The following RASGEF1C variants were observed in gnomAD, a reference collection of about 807,000 sequenced individuals.
RASGEF1C encodes RasGEF domain family member 1C.
Under a neutral mutation model 58.1 loss-of-function variants are expected in RASGEF1C, and 27 were observed. The observed-to-expected ratio is 0.46, with a 90% CI of 0.34 to 0.64. The LOEUF is 0.64. RASGEF1C is among the 30% of genes least tolerant of loss of function. RASGEF1C has a pLI of 0.01. For synonymous variants in RASGEF1C, 243 were observed against 246.3 expected (o/e 0.99, Z 0.13); for missense variants, 502 against 605.1 (o/e 0.83, Z 1.79).
intron 1 of RASGEF1C, among the ~76,000 whole-genome samples, chr5:180,163,309 T>C (rs1766974326): frequency 7.2e-6 from 1 of 139,564 alleles, no homozygotes; most frequent in Admixed American, 7.9e-5. Context: ...GGGTTGAGAA[T>C]GGACAGTCAA....
intron 10 of RASGEF1C, among the ~76,000 whole-genome samples, chr5:180,116,912 A>G (rs1431000856): frequency 6.6e-6 from 1 of 152,220 alleles, no homozygotes; most frequent in African/African-American, 2.4e-5. Flanking sequence ...TGGCTCCGCC[A>G]CCTACCTGCA....
intron 1 of RASGEF1C, among the ~76,000 whole-genome samples, chr5:180,188,763 G>A (rs1014120009): frequency 2.6e-5 from 4 of 152,122 alleles, no homozygotes; most frequent in South Asian, 2.1e-4. Context: ...CTTGGGGTAC[G>A]AATGATCCTG....
At chr5:180,171,536 C>T (rs142148852) in intron 1 of RASGEF1C, among the ~76,000 whole-genome samples, 164 of 152,254 alleles carry the variant, frequency 1.1e-3, no homozygotes, top group African/African-American at 3.7e-3. Flanking sequence ...TGTTCCAGGG[C>T]AGGCCTCCAC....
At chr5:180,154,541 G>A (rs1175593102) in intron 1 of RASGEF1C, among the ~76,000 whole-genome samples, 1 of 151,474 alleles carries the variant, frequency 6.6e-6, no homozygotes, top group South Asian at 2.1e-4. Context: ...GGGTGGACAA[G>A]TTACCAGCTG....
chr5:180,190,626 C>T lies in RASGEF1C; in HGVS notation c.-7+18402G>A, dbSNP rs958179013. On this transcript the variant is annotated intron_variant, in intron 1 of 13. Coordinates refer to ENST00000361132, the MANE Select transcript of RASGEF1C (RefSeq NM_175062.4). Reference sequence around the variant, plus strand: ...AAGGCTGCAGTGAGCTGTGATCGCACCACTGCTCTCCAGCCTAGGTGACAG... The same window carrying T: ...AAGGCTGCAGTGAGCTGTGATCGCATCACTGCTCTCCAGCCTAGGTGACAG... Among the ~76,000 whole-genome samples the T allele has an allele frequency of 2.7e-5, 4 of 150,766 alleles. No individual in the cohort carries two copies. In the South Asian group the frequency reaches 6.4e-4, roughly 24 times the overall value.
chr5:180,146,097 G>C (rs1766657146), intron 1 of RASGEF1C, among the ~76,000 whole-genome samples: 1 of 152,026 alleles, frequency 6.6e-6, no homozygotes, highest in African/African-American at 2.4e-5. Context: ...CTGTGTCTTT[G>C]GTATCATATC....
chr5:180,173,741 C>T (rs182067563), intron 1 of RASGEF1C, among the ~76,000 whole-genome samples: 55 of 152,018 alleles, frequency 3.6e-4, no homozygotes, highest in East Asian at 9.7e-4. Flanking sequence ...GGTGAAACCC[C>T]GTCTCTACTA....
chr5:180,159,291 C>T (rs1023014359), intron 1 of RASGEF1C, among the ~76,000 whole-genome samples: 1 of 151,960 alleles, frequency 6.6e-6, no homozygotes, highest in African/African-American at 2.4e-5. Flanking sequence ...AGGCGTGCAC[C>T]ACCACGCCCG....
In RASGEF1C at chr5:180,101,128, G is replaced by C. The variant is rs968797996; in HGVS notation, c.*373C>G. On this transcript the variant is annotated 3_prime_UTR_variant, in exon 14 of 14. Transcript: ENST00000361132. ...AGCCACGTGGTGACAGACTGTGGGT[G>C]GTGGCCAAAGTGGCACATGTCACCA... The C allele has an allele frequency of 4.0e-6, 1 of 251,742 alleles. No individual in the cohort carries two copies. The highest frequency in any genetic ancestry group is 7.6e-6 in the Non-Finnish European group (1 of 130,990). 15.6% of individuals were successfully genotyped at this position (251,742 alleles called of 1,614,324 possible).
At chr5:180,125,474 G>A (rs1037942617) in intron 6 of RASGEF1C, among the ~76,000 whole-genome samples, 9 of 152,186 alleles carry the variant, frequency 5.9e-5, no homozygotes, top group African/African-American at 1.7e-4. Flanking sequence ...TGTACCAGAG[G>A]TGCAAGTTAG....
At chr5:180,103,045 C>T (rs576124357) in intron 12 of RASGEF1C, among the ~76,000 whole-genome samples, 1 of 152,144 alleles carries the variant, frequency 6.6e-6, no homozygotes, top group Non-Finnish European at 1.5e-5. Flanking sequence ...CCTATGTCTC[C>T]ATTTATCTAC....
chr5:180,147,008 C>T (rs1456883194), intron 1 of RASGEF1C, among the ~76,000 whole-genome samples: 3 of 151,850 alleles, frequency 2.0e-5, no homozygotes, highest in East Asian at 3.8e-4. Flanking sequence ...GGTCTATTTA[C>T]GGTTTCTAAT....
chr5:180,164,023 G>A (rs6896628), intron 1 of RASGEF1C, among the ~76,000 whole-genome samples: 45,527 of 151,994 alleles, frequency 0.3, 7,343 homozygotes, highest in East Asian at 0.55. Flanking sequence ...TGTGTGTAGC[G>A]TTGTTATAGC....
At chr5:180,162,208 C>T (rs1008033710) in intron 1 of RASGEF1C, among the ~76,000 whole-genome samples, 4 of 152,334 alleles carry the variant, frequency 2.6e-5, no homozygotes, top group African/African-American at 9.6e-5. Flanking sequence ...GGCCCTGCCT[C>T]CCTCGCTGAA....
At chr5:180,109,872 AT>A (rs1765930271) in intron 12 of RASGEF1C, among the ~76,000 whole-genome samples, 1 of 152,126 alleles carries the variant, frequency 6.6e-6, no homozygotes, top group African/African-American at 2.4e-5. Flanking sequence ...AGAGAAACTC[AT>A]TTCGGCCCTC....
intron 1 of RASGEF1C, among the ~76,000 whole-genome samples, chr5:180,181,708 C>G (rs372685234): frequency 6.6e-6 from 1 of 152,206 alleles, no homozygotes; most frequent in Non-Finnish European, 1.5e-5. Flanking sequence ...ATCCAGAACT[C>G]CAAATGAGAG....
At chr5:180,141,806 T>C (rs571033204) in intron 1 of RASGEF1C, among the ~76,000 whole-genome samples, 1 of 151,832 alleles carries the variant, frequency 6.6e-6, no homozygotes, top group South Asian at 2.1e-4. Flanking sequence ...ACCTCCCAGG[T>C]TCAAGGGATT....
At chr5:180,170,451 G>C (rs1767091478) in intron 1 of RASGEF1C, among the ~76,000 whole-genome samples, 1 of 152,208 alleles carries the variant, frequency 6.6e-6, no homozygotes, top group African/African-American at 2.4e-5. Flanking sequence ...GCAGGGCCAG[G>C]GACGCAAGTT....
At position 180,118,716 on chromosome 5, in the gene RASGEF1C, CAG is replaced by C. The variant is rs757503598; in HGVS notation, c.988-14_988-13del. ...GGGTCCATCTGGTGCTGGAAGGAGA[CAG>C]GGAGGCATGTGGGCAGTTCTGTCCA... is the stretch of plus-strand genomic sequence containing the variant. On this transcript the variant is annotated splice_polypyrimidine_tract_variant and intron_variant, in intron 9 of 13. Transcript: ENST00000361132. 6.8e-6 allele frequency: 11 copies of C among 1,614,142 alleles called. No homozygotes were observed. In the Middle Eastern group the frequency reaches 4.9e-4, roughly 73 times the overall value.
Sources: gnomAD v4.1 joint callset for allele counts (sites outside exome capture counted in the v4.1 genomes callset) on GRCh38, gnomAD v4.1.1 for gene constraint, MANE v1.5 for transcripts, NCBI Gene and HGNC (gene_info 2026-07-23, HGNC 2026-07-21) for gene names.